The following SPATA13 variants were observed in gnomAD, a reference collection of about 807,000 sequenced individuals.
The protein encoded by SPATA13 is spermatogenesis-associated protein 13.
In SPATA13, 50 loss-of-function variants were observed where a neutral mutation model predicts 104.0. That is an observed-to-expected ratio of 0.48 (90% confidence interval 0.38 to 0.61). SPATA13 has a LOEUF of 0.61. Ranked by LOEUF, SPATA13 falls within the 20% of genes least tolerant of loss-of-function variation. The pLI is 0.00. For missense variants in SPATA13, 1,524 were observed against 1,690.6 expected (o/e 0.90, Z 1.73); for synonymous variants, 606 against 667.5 (o/e 0.91, Z 1.42).
At chr13:24,055,935 G>T (rs1227134464) in intron 3 of SPATA13, among the ~76,000 whole-genome samples, 1 of 152,240 alleles carries the variant, frequency 6.6e-6, no homozygotes, top group African/African-American at 2.4e-5. Flanking sequence ...CCTTTTTATG[G>T]AAAGTGGTTT....
chr13:24,046,784 G>C (rs969956644), intron 3 of SPATA13, among the ~76,000 whole-genome samples: 1 of 151,962 alleles, frequency 6.6e-6, no homozygotes, highest in African/African-American at 2.4e-5. Flanking sequence ...ATTTCTATTG[G>C]ATATATACCT....
chr13:24,154,766 A>T (rs1347743281), intron 3 of SPATA13, among the ~76,000 whole-genome samples: 1 of 152,206 alleles, frequency 6.6e-6, no homozygotes, highest in Non-Finnish European at 1.5e-5. Flanking sequence ...GTGTTCTCAT[A>T]GAGAAGCTTG....
chr13:24,174,688 T>A (rs1883144439), intron 1 of SPATA13, among the ~76,000 whole-genome samples: 1 of 152,188 alleles, frequency 6.6e-6, no homozygotes, highest in Non-Finnish European at 1.5e-5. Flanking sequence ...GCTATTCTCC[T>A]GCCTCAGTCT....
rs1877471120 is a variant in SPATA13, at chr13:24,304,837, A to C, written c.*2064A>C. On this transcript the variant is annotated 3_prime_UTR_variant, in exon 13 of 13. Transcript: ENST00000382108. ...GGAGCTTCTGGAGAGGTCCTGTGGC[A>C]TGTGTGGGGGTGTGTGTGTGTATGT... The C allele has an allele frequency of 6.6e-6, 1 of 152,196 alleles. No homozygotes were observed. Among genetic ancestry groups the C allele is most frequent in the African/African-American group, 2.4e-5 (1 of 41,450 alleles). 9.4% of individuals were successfully genotyped at this position (152,196 alleles called of 1,614,324 possible).
intron 4 of SPATA13, chr13:24,252,903 C>T (rs1243849970): frequency 2.0e-5 from 3 of 152,192 alleles, no homozygotes. Context: ...ATGGCACTGT[C>T]CCAGGAGCTA....
intron 1 of SPATA13, among the ~76,000 whole-genome samples, chr13:24,201,089 G>T (rs28560407): frequency 6.7e-6 from 1 of 150,072 alleles, no homozygotes; most frequent in Non-Finnish European, 1.5e-5. Flanking sequence ...TTGATTGGAG[G>T]TATTTTTGAA....
At chr13:24,255,433 A>G (rs990123903) in intron 4 of SPATA13, among the ~76,000 whole-genome samples, 1 of 151,968 alleles carries the variant, frequency 6.6e-6, no homozygotes, top group Non-Finnish European at 1.5e-5. Context: ...GGAATCACTC[A>G]TCTGTTTTGT....
chr13:24,223,482 G>C lies in SPATA13; in HGVS notation c.553G>C (p.Asp185His). The C allele has an allele frequency of 6.5e-7, 1 of 1,549,142 alleles. No homozygotes were observed. Among genetic ancestry groups the C allele is most frequent in the South Asian group, 1.2e-5 (1 of 84,060 alleles). Residue 185 changes from aspartate (D) to histidine (H), a missense_variant, in exon 2 of 13, where the codon GAC becomes CAC. Around this residue, in one of 2 missense-constraint regions of SPATA13, gnomAD observed 1,089 missense variants for 1,135.9 expected, o/e 0.96. Transcript: ENST00000382108. ...AGAGTGGGGCACATTGGATGGCTCC[G>C]ACCTCGAGGACACGGACGATGCCTT... ...PAEWGTLDGS[D>H]LEDTDDAFQR... is the part of the protein sequence containing the mutation.
chr13:24,275,717 T>C (rs1171039614), intron 4 of SPATA13, among the ~76,000 whole-genome samples: 1 of 152,220 alleles, frequency 6.6e-6, no homozygotes. Flanking sequence ...GTGGATCACC[T>C]GAGGTCAGGA....
At chr13:24,167,597 G>A (rs145080255) in intron 1 of SPATA13, among the ~76,000 whole-genome samples, 180 of 152,250 alleles carry the variant, frequency 1.2e-3, no homozygotes, top group African/African-American at 4.2e-3. Context: ...GTGTGAATGG[G>A]AATGTTATGT....
In SPATA13 at chr13:24,011,935, C is replaced by G. The variant is rs1876486277; in HGVS notation, c.-146-5732C>G. Among the ~76,000 whole-genome samples the G allele has an allele frequency of 6.6e-6, 1 of 152,228 alleles. No individual in the cohort carries two copies. Among genetic ancestry groups the G allele is most frequent in the African/African-American group, 2.4e-5 (1 of 41,460 alleles). ...AACTTGCAGCGGAGGCTTCAATGTG[C>G]ACCTCCGCCTCCCCCTACGGATTGT... On this transcript the variant is annotated intron_variant, in intron 2 of 14. Coordinates refer to the SPATA13 transcript ENST00000424834. This position sits in a 1 kb window ranked among gnomAD's most constrained non-coding sequence, Gnocchi z 4.3.
At chr13:24,277,439 G>A (rs997988275) in intron 4 of SPATA13, among the ~76,000 whole-genome samples, 7 of 76,722 alleles carry the variant, frequency 9.1e-5, no homozygotes, top group African/African-American at 1.2e-4. Flanking sequence ...GCAAGACTCC[G>A]TCTCAAAAAA....
chr13:24,286,880 G>A lies in SPATA13; in HGVS notation c.2597G>A (p.Arg866Gln), dbSNP rs1206130544. Residue 866 changes from arginine to glutamine, a missense_variant, in exon 7 of 13, where the codon CGG becomes CAG. By Grantham distance (43) the Arg-to-Gln change is conservative. Around this residue, in one of 2 missense-constraint regions of SPATA13, gnomAD observed 435 missense variants for 554.8 expected, o/e 0.78. Coordinates refer to ENST00000382108, the MANE Select transcript of SPATA13 (RefSeq NM_001166271.3). The surrounding 1 kb of genome is among the most constrained non-coding windows in gnomAD (Gnocchi z 4.9). ...HRHCENKQQMRTNVIREIMDT... is the reference protein window; with the variant it reads ...HRHCENKQQMQTNVIREIMDT... ...CACTGTGAGAACAAGCAGCAGATGC[G>A]GACCAACGTCATCCGGGAGATCATG... 1.2e-6 allele frequency: 2 copies of A among 1,613,836 alleles called. No individual in the cohort carries two copies. The highest frequency in any genetic ancestry group is 1.7e-6 in the Non-Finnish European group (2 of 1,180,004).
intron 3 of SPATA13, among the ~76,000 whole-genome samples, chr13:24,250,917 G>T (rs1873442513): frequency 1.3e-5 from 2 of 152,212 alleles, no homozygotes; most frequent in Non-Finnish European, 2.9e-5. Flanking sequence ...AAAGGAATGT[G>T]CGAAGTAATT....
Position 24,088,291 on chromosome 13 carries a change from G to A in SPATA13, c.-112+70590G>A, listed in dbSNP as rs755790621. ...AGATGAGCACACCGAGGCTCAGAGC[G>A]GTAAGGAATTGGCCCGCAGTCACAT... On this transcript the variant is annotated intron_variant, in intron 3 of 14. Transcript: ENST00000424834. This position sits in a 1 kb window ranked among gnomAD's most constrained non-coding sequence, Gnocchi z 4.3. Among the ~76,000 whole-genome samples, 56 of 152,156 alleles carry A rather than the reference G, an allele frequency of 3.7e-4. No individual in the cohort carries two copies. Among genetic ancestry groups the A allele is most frequent in the Non-Finnish European group, 6.9e-4 (47 of 68,024 alleles).
chr13:24,202,070 C>CTAAATAAATAAA, intron 1 of SPATA13, among the ~76,000 whole-genome samples: 1 of 151,314 alleles, frequency 6.6e-6, no homozygotes, highest in African/African-American at 2.4e-5. Flanking sequence ...AAGACTCTGT[C>CTAAATAAATAAA]TAAATAAATA....
upstream of SPATA13, among the ~76,000 whole-genome samples, chr13:24,156,885 GT>G (rs2138477742): frequency 6.6e-6 from 1 of 152,320 alleles, no homozygotes; most frequent in African/African-American, 2.4e-5. Context: ...CTTGCCTTAT[GT>G]GCCAGAGGCA....
In SPATA13 at chr13:24,123,295, T is replaced by C. The variant is rs188263134; in HGVS notation, c.-111-99524T>C. ...TCTCTATCATCAATCAGACATCTTCTTGTCAGCTCTAAGGCTGTTTGAAGG... is the reference window on the plus strand; with the variant it reads ...TCTCTATCATCAATCAGACATCTTCCTGTCAGCTCTAAGGCTGTTTGAAGG... On this transcript the variant is annotated intron_variant, in intron 3 of 14. Coordinates refer to the SPATA13 transcript ENST00000424834. 6.3e-4 allele frequency: 981 copies of C among 1,548,656 alleles called. 2 individuals carry two copies. In the African/African-American group the frequency reaches 0.01, roughly 16 times the overall value.
chr13:24,202,128 A>G (rs1212598615), intron 1 of SPATA13, among the ~76,000 whole-genome samples: 1 of 151,826 alleles, frequency 6.6e-6, no homozygotes, highest in Admixed American at 6.6e-5. Context: ...TGACTCTGAC[A>G]TATTTGACTC....
Sources: allele counts gnomAD v4.1 joint callset (sites outside exome capture counted in the v4.1 genomes callset), GRCh38; gene constraint gnomAD v4.1.1; regional missense constraint gnomAD v4.1.1; non-coding constraint Gnocchi (gnomAD v3.1); transcripts MANE v1.5; gene names NCBI Gene and HGNC (gene_info 2026-07-23, HGNC 2026-07-21).